AP3B1: variants seen among roughly 807,000 people sequenced by gnomAD.
The protein encoded by AP3B1 is AP-3 complex subunit beta-1.
A neutral mutation model predicts 132.5 loss-of-function variants in AP3B1; 61 were observed. That is an observed-to-expected ratio of 0.46 (90% CI 0.37 to 0.57). The LOEUF is 0.57. Ranked by LOEUF, AP3B1 falls within the 20% of genes least tolerant of loss-of-function variation. AP3B1 has a pLI of 0.00. For synonymous variants in AP3B1, 388 were observed against 438.3 expected, an observed-to-expected ratio of 0.89 and a Z score of 1.43; for missense variants, 1,120 against 1,289.4, an observed-to-expected ratio of 0.87 and a Z score of 2.01.
At chr5:78,105,550 T>C (rs1053283926) in intron 20 of AP3B1, among the ~76,000 whole-genome samples, 4 of 151,254 alleles carry the variant, frequency 2.6e-5, no homozygotes, top group Non-Finnish European at 5.9e-5. Context: ...CTGTTTCATA[T>C]AAAAAAAAAT....
Position 78,285,519 on chromosome 5 carries a change from C to T in AP3B1, c.128+8933G>A, listed in dbSNP as rs575992663. Among the ~76,000 whole-genome samples the T allele has an allele frequency of 1.6e-4, 24 of 152,308 alleles. No homozygotes were observed. In the South Asian group the frequency reaches 4.6e-3, roughly 29 times the overall value. ...CAGTGTCTCATCCAATCCCATGATA[C>T]CTGATGACTCCCAAATTTATACTTC... On this transcript the variant is annotated intron_variant, in intron 1 of 26. Transcript: ENST00000255194.
chr5:78,230,408 T>C (rs1362327963), intron 3 of AP3B1, among the ~76,000 whole-genome samples: 1 of 133,396 alleles, frequency 7.5e-6, no homozygotes, highest in Non-Finnish European at 1.7e-5. Flanking sequence ...TTTAAGTTGA[T>C]ATCAATCCAT....
chr5:78,193,983 G>A (rs923398514), intron 7 of AP3B1, among the ~76,000 whole-genome samples: 26 of 151,578 alleles, frequency 1.7e-4, no homozygotes, highest in African/African-American at 6.3e-4. Flanking sequence ...TAGCCAGGAT[G>A]GTCTCAATCT....
At position 78,141,075 on chromosome 5, in the gene AP3B1, C is replaced by A. The variant is rs925341963; in HGVS notation, c.1650+68G>T. On this transcript the variant is annotated intron_variant, in intron 15 of 26. Transcript: ENST00000255194. ...TGGTCAGACTAATGAAGGCACAGAC[C>A]CCCGCTGTTTGATCAGAGTGAAGAG... 5 of 1,439,038 alleles carry A rather than the reference C, an allele frequency of 3.5e-6. No individual in the cohort carries two copies. In the African/African-American group the frequency reaches 5.6e-5, roughly 16 times the overall value. 89.1% of individuals were successfully genotyped at this position (1,439,038 alleles called of 1,614,324 possible).
chr5:78,226,984 G>T (rs4524491), intron 5 of AP3B1, among the ~76,000 whole-genome samples: 3 of 151,780 alleles, frequency 2.0e-5, no homozygotes, highest in African/African-American at 7.3e-5. Context: ...ACACATATAA[G>T]TGAGTTGAGA....
chr5:78,210,885 TC>T, intron 7 of AP3B1, among the ~76,000 whole-genome samples: 1 of 152,104 alleles, frequency 6.6e-6, no homozygotes, highest in Non-Finnish European at 1.5e-5. Flanking sequence ...GTCTTAGAGA[TC>T]TAGGTTTATG....
At chr5:78,129,856 A>G (rs1752618635) in intron 15 of AP3B1, among the ~76,000 whole-genome samples, 1 of 152,142 alleles carries the variant, frequency 6.6e-6, no homozygotes, top group Non-Finnish European at 1.5e-5. Flanking sequence ...ACTGAACTGG[A>G]TTACTGCAAA....
intron 22 of AP3B1, among the ~76,000 whole-genome samples, chr5:78,047,260 C>T (rs1445010784): frequency 6.6e-6 from 1 of 152,188 alleles, no homozygotes. Context: ...GGTTCTGGAT[C>T]CTTGAGGAAT....
chr5:78,267,841 C>G (rs1748390757), intron 1 of AP3B1, among the ~76,000 whole-genome samples: 1 of 152,126 alleles, frequency 6.6e-6, no homozygotes, highest in Non-Finnish European at 1.5e-5. Flanking sequence ...GCCACCCAGT[C>G]TGTGGCATTT....
intron 1 of AP3B1, among the ~76,000 whole-genome samples, chr5:78,268,968 T>C (rs76323156): frequency 0.019 from 2,863 of 152,308 alleles, 109 homozygotes; most frequent in African/African-American, 0.065. Context: ...AATTCTTCTT[T>C]GCCTGTCACC....
chr5:78,204,967 T>C (rs1745445281), intron 7 of AP3B1, among the ~76,000 whole-genome samples: 1 of 152,188 alleles, frequency 6.6e-6, no homozygotes, highest in East Asian at 1.9e-4. Context: ...CAACAAGCTC[T>C]TGGGAGTTCT....
chr5:78,262,688 T>C (rs1748145949), intron 2 of AP3B1, among the ~76,000 whole-genome samples: 1 of 151,972 alleles, frequency 6.6e-6, no homozygotes, highest in Non-Finnish European at 1.5e-5. Flanking sequence ...TTGTTCTTTT[T>C]TTTTTTTTTG....
chr5:78,101,409 T>G, intron 20 of AP3B1: 1 of 422,570 alleles, frequency 2.4e-6, no homozygotes. Context: ...AGAAATAACA[T>G]ATGCATAGCT....
intron 17 of AP3B1, among the ~76,000 whole-genome samples, chr5:78,126,662 T>G (rs551278703): frequency 1.4e-4 from 22 of 152,316 alleles, no homozygotes; most frequent in South Asian, 2.1e-4. Context: ...ATTACTACTG[T>G]TACAAATTTT....
At chr5:78,158,101 AC>A (rs1743230629) in intron 13 of AP3B1, among the ~76,000 whole-genome samples, 1 of 152,222 alleles carries the variant, frequency 6.6e-6, no homozygotes. Context: ...AAGAATATAA[AC>A]AAAATTCATC....
At chr5:78,121,843 T>C (rs574433314) in intron 17 of AP3B1, 35 of 152,442 alleles carry the variant, frequency 2.3e-4, no homozygotes, top group African/African-American at 8.4e-4. Context: ...TAACTCATTT[T>C]AGGAGGCCAG....
At chr5:78,140,289 T>C (rs540862082) in intron 15 of AP3B1, among the ~76,000 whole-genome samples, 11 of 152,280 alleles carry the variant, frequency 7.2e-5, no homozygotes, top group Non-Finnish European at 1.5e-4. Flanking sequence ...AGGTCCATAC[T>C]ACTTAGCAGA....
At chr5:78,017,178 T>C (rs913414760) in intron 25 of AP3B1, among the ~76,000 whole-genome samples, 3 of 152,170 alleles carry the variant, frequency 2.0e-5, no homozygotes, top group Admixed American at 6.5e-5. Flanking sequence ...TACTGCTCCA[T>C]TGAAGTAAAA....
rs1747279924 is a variant in AP3B1 at position 78,025,002 on chromosome 5, A to C, written c.2895-4213T>G. On this transcript the variant is annotated intron_variant, in intron 24 of 26. Coordinates refer to ENST00000255194, the MANE Select transcript of AP3B1 (RefSeq NM_003664.5). ...GCATGAGCCACTGTGCCTGGCCTCT[A>C]TTTTTGTATGTTTTAGTAAAAATAC... Among the ~76,000 whole-genome samples the C allele has an allele frequency of 4.0e-5, 6 of 151,476 alleles. No homozygotes were observed. In the South Asian group the frequency reaches 1.3e-3, roughly 32 times the overall value.
Sources: allele counts gnomAD v4.1 joint callset (sites outside exome capture counted in the v4.1 genomes callset), GRCh38; gene constraint gnomAD v4.1.1; transcripts MANE v1.5; gene names NCBI Gene and HGNC (gene_info 2026-07-23, HGNC 2026-07-21).